LARS1: variants seen among roughly 807,000 people sequenced by gnomAD.
The protein encoded by LARS1 is leucine--tRNA ligase, cytoplasmic.
LARS1 carries 100 observed loss-of-function variants against 162.8 expected under a neutral mutation model. That is an observed-to-expected ratio of 0.61 (90% CI 0.52 to 0.73). The LOEUF (loss-of-function observed/expected upper bound fraction) is 0.73. Among genes scored for constraint, LARS1 ranks in the 30% least tolerant of loss-of-function variants. The pLI is 0.00. For synonymous variants in LARS1, 457 were observed against 462.8 expected (o/e 0.99, Z 0.16); for missense variants, 1,258 against 1,408.9 (o/e 0.89, Z 1.71).
chr5:146,182,241 C>T, intron 1 of LARS1: 1 of 562,494 alleles, frequency 1.8e-6, no homozygotes, highest in Non-Finnish European at 3.2e-6. Flanking sequence ...GTGCCCGGCT[C>T]TCCACCTCGA....
chr5:146,182,285 A>T, intron 1 of LARS1: 1 of 665,062 alleles, frequency 1.5e-6, no homozygotes. Flanking sequence ...CAAATATGAT[A>T]TCCAAGTACT....
intron 26 of LARS1, 47 bp from the exon 27 acceptor site, chr5:146,128,829 C>A: frequency 6.5e-7 from 1 of 1,531,908 alleles, no homozygotes; most frequent in Non-Finnish European, 8.9e-7. Flanking sequence ...TTTATATAAA[C>A]CAAAAATGAG....
At chr5:146,170,661 A>G (rs1754224351) in intron 4 of LARS1, among the ~76,000 whole-genome samples, 1 of 152,150 alleles carries the variant, frequency 6.6e-6, no homozygotes, top group African/African-American at 2.4e-5. Context: ...ATGACACGTC[A>G]TGATATCTGC....
chr5:146,179,515 C>CAA (rs1268496616), intron 1 of LARS1, among the ~76,000 whole-genome samples: 2 of 152,084 alleles, frequency 1.3e-5, no homozygotes, highest in Non-Finnish European at 2.9e-5. Flanking sequence ...CCCACAAAGG[C>CAA]AAAAGTATGT....
chr5:146,147,397 C>G (rs1753059141), intron 15 of LARS1, among the ~76,000 whole-genome samples: 1 of 148,188 alleles, frequency 6.7e-6, no homozygotes, highest in South Asian at 2.1e-4. Context: ...AGACCCCTGT[C>G]TCTTTAAAAA....
intron 1 of LARS1, 43 bp from the exon 2 acceptor site, chr5:146,177,708 G>T: frequency 9.6e-7 from 1 of 1,047,080 alleles, no homozygotes; most frequent in Non-Finnish European, 1.4e-6. Context: ...ATTTCAGCAC[G>T]CTTGCTTTAA....
intron 31 of LARS1, among the ~76,000 whole-genome samples, chr5:146,117,990 G>A (rs919143106): frequency 2.0e-5 from 3 of 152,090 alleles, no homozygotes; most frequent in African/African-American, 4.8e-5. Context: ...CAATATGATC[G>A]AGCAATCCCA....
chr5:146,163,627 C>T (rs750887544), intron 6 of LARS1, among the ~76,000 whole-genome samples: 5 of 151,686 alleles, frequency 3.3e-5, no homozygotes, highest in South Asian at 4.2e-4. Context: ...CGGAGGTTGC[C>T]GTGAGCCGAG....
At position 146,157,625 on chromosome 5, in the gene LARS1, G is replaced by A; in HGVS notation, c.843C>T (p.Gly281=). ...VLEPYPSKLS[G]LKGKNIFLVA... is the part of the protein sequence containing the mutation. ...CCAAGAAAATATTTTTACCTTTCAG[G>A]CCACTGAGAAAAAAAAACAAATATT... The change falls in exon 10 of 32, where the codon GGC becomes GGT. Residue 281 remains glycine (G), a synonymous_variant. Coordinates refer to ENST00000394434, the MANE Select transcript of LARS1 (RefSeq NM_020117.11). 1 of 1,613,086 alleles carries A rather than the reference G, an allele frequency of 6.2e-7. No individual in the cohort carries two copies. The highest frequency in any genetic ancestry group is 8.5e-7 in the Non-Finnish European group (1 of 1,179,782).
intron 21 of LARS1, among the ~76,000 whole-genome samples, chr5:146,137,484 T>TA (rs927995817): frequency 1.3e-5 from 2 of 152,096 alleles, no homozygotes; most frequent in South Asian, 4.1e-4. Context: ...CAGTCTGTTT[T>TA]AAAAAAATCA....
intron 5 of LARS1, among the ~76,000 whole-genome samples, chr5:146,164,743 C>T (rs541503757): frequency 4.6e-5 from 7 of 152,238 alleles, no homozygotes; most frequent in African/African-American, 1.7e-4. Context: ...AAAGAACTAC[C>T]CATTATGAAG....
chr5:146,170,972 G>A (rs572818683), intron 4 of LARS1, among the ~76,000 whole-genome samples: 2 of 152,128 alleles, frequency 1.3e-5, no homozygotes, highest in South Asian at 2.1e-4. Context: ...TATGGCAAAC[G>A]TTAAGACTTT....
At chr5:146,140,819 A>G (rs534349055) in intron 20 of LARS1, among the ~76,000 whole-genome samples, 1 of 152,266 alleles carries the variant, frequency 6.6e-6, no homozygotes, top group South Asian at 2.1e-4. Context: ...AAATGTATAT[A>G]TACACACACA....
At chr5:146,126,892 C>G (rs944372006) in intron 27 of LARS1, among the ~76,000 whole-genome samples, 1 of 152,032 alleles carries the variant, frequency 6.6e-6, no homozygotes, top group Admixed American at 6.6e-5. Flanking sequence ...AATTACACAA[C>G]TATCATACAA....
chr5:146,177,950 T>C (rs1754672795), intron 1 of LARS1, among the ~76,000 whole-genome samples: 1 of 151,734 alleles, frequency 6.6e-6, no homozygotes, highest in South Asian at 2.1e-4. Context: ...ATACAAAAAT[T>C]AGCTGGGCGT....
In LARS1 at chr5:146,181,848, C is replaced by CTTTTTTTTTTTTTTTTTT. The variant is rs34658033; in HGVS notation, c.6+622_6+639dup. 2.4e-3 allele frequency among the ~76,000 whole-genome samples: 129 copies of CTTTTTTTTTTTTTTTTTT among 53,034 alleles called. 30 individuals are homozygous for CTTTTTTTTTTTTTTTTTT. The highest frequency in any genetic ancestry group is 3.8e-3 in the East Asian group (4 of 1,066). 34.8% of individuals were successfully genotyped at this position (53,034 alleles called of 152,430 possible). A position where few individuals can be genotyped will look rare whatever the true frequency, so the allele number is the denominator to read the frequency against. On this transcript the variant is annotated intron_variant, in intron 1 of 31. Transcript: ENST00000394434. Reference sequence around the variant, plus strand: ...TTTACGGAGAGGCGCTCAATTTTTTCTTTTTTTTTTTTTTTTTTTTTTTTT... The same window carrying CTTTTTTTTTTTTTTTTTT: ...TTTACGGAGAGGCGCTCAATTTTTTCTTTTTTTTTTTTTTTTTTTTTTTTTTTTTTTTTTTTTTTTTTT...
At chr5:146,163,599 T>C (rs773330722) in intron 6 of LARS1, among the ~76,000 whole-genome samples, 2 of 152,014 alleles carry the variant, frequency 1.3e-5, no homozygotes, top group Non-Finnish European at 2.9e-5. Flanking sequence ...GGCAGAAGAA[T>C]AGCTTGAACC....
intron 5 of LARS1, among the ~76,000 whole-genome samples, chr5:146,165,227 T>A (rs539655984): frequency 6.6e-6 from 1 of 151,976 alleles, no homozygotes; most frequent in Non-Finnish European, 1.5e-5. Context: ...CCAGCTACCC[T>A]GGAGGCTGAG....
intron 2 of LARS1, among the ~76,000 whole-genome samples, chr5:146,174,505 T>TATGTATACATCC (rs1561498012): frequency 1.1e-4 from 2 of 17,610 alleles, no homozygotes; most frequent in African/African-American, 1.6e-4. Context: ...TATATCCATA[T>TATGTATACATCC]ATATATATAT....
Sources: allele counts gnomAD v4.1 joint callset (sites outside exome capture counted in the v4.1 genomes callset), GRCh38; gene constraint gnomAD v4.1.1; transcripts MANE v1.5; gene names NCBI Gene and HGNC (gene_info 2026-07-23, HGNC 2026-07-21).